The following ST6GALNAC3 variants were observed in gnomAD, a reference collection of about 807,000 sequenced individuals.
ST6GALNAC3 encodes the protein ST6 N-acetylgalactosaminide alpha-2,6-sialyltransferase 3.
In ST6GALNAC3, 25 loss-of-function variants were observed where a neutral mutation model predicts 32.7. The observed-to-expected ratio is 0.76, with a 90% CI of 0.56 to 1.07. The LOEUF (loss-of-function observed/expected upper bound fraction) is 1.07. ST6GALNAC3 is among the 50% of genes least tolerant of loss of function. The pLI is 0.00. For missense variants in ST6GALNAC3, 355 were observed against 382.4 expected, an observed-to-expected ratio of 0.93 and a Z score of 0.60; for synonymous variants, 129 against 133.1, an observed-to-expected ratio of 0.97 and a Z score of 0.21.
chr1:76,314,746 G>T (rs904628481), intron 2 of ST6GALNAC3, among the ~76,000 whole-genome samples: 2 of 152,184 alleles, frequency 1.3e-5, no homozygotes, highest in Non-Finnish European at 2.9e-5. Context: ...GGAGTTGGAT[G>T]AATGTGAGTT....
chr1:76,370,011 A>G (rs1014680181), intron 2 of ST6GALNAC3, among the ~76,000 whole-genome samples: 1 of 152,188 alleles, frequency 6.6e-6, no homozygotes, highest in East Asian at 1.9e-4. Context: ...AGCCACAAAT[A>G]AATGTTTTTC....
intron 2 of ST6GALNAC3, among the ~76,000 whole-genome samples, chr1:76,398,486 C>T (rs1257059475): frequency 6.6e-6 from 1 of 152,116 alleles, no homozygotes; most frequent in African/African-American, 2.4e-5. Context: ...CTACTTTTAG[C>T]TTACTTAGAG....
Position 76,167,078 on chromosome 1 carries a change from G to A in ST6GALNAC3, c.18+92194G>A, listed in dbSNP as rs1036221498. Reference sequence around the variant, plus strand: ...GAGAGGGCATCCTTGTCTTGTGCTGGTTTTCAAGGGAAATGCTTCCAGCTT... The same window carrying A: ...GAGAGGGCATCCTTGTCTTGTGCTGATTTTCAAGGGAAATGCTTCCAGCTT... On this transcript the variant is annotated intron_variant, in intron 1 of 4. Transcript: ENST00000328299. Among the ~76,000 whole-genome samples, 5 of 152,270 alleles carry A rather than the reference G, an allele frequency of 3.3e-5. No homozygotes were observed. In the South Asian group the frequency reaches 1.0e-3, roughly 32 times the overall value.
intron 3 of ST6GALNAC3, among the ~76,000 whole-genome samples, chr1:76,527,069 T>C (rs1429418395): frequency 2.0e-5 from 3 of 151,986 alleles, no homozygotes; most frequent in African/African-American, 7.2e-5. Flanking sequence ...TAGACTTGAA[T>C]TGAATTGAAC....
At chr1:76,198,017 T>C (rs1335616979) in intron 1 of ST6GALNAC3, among the ~76,000 whole-genome samples, 1 of 143,536 alleles carries the variant, frequency 7.0e-6, no homozygotes, top group Non-Finnish European at 1.5e-5. Context: ...TTGCCTTTAT[T>C]TATGTTTTTG....
intron 1 of ST6GALNAC3, among the ~76,000 whole-genome samples, chr1:76,278,333 T>G (rs1170029659): frequency 1.3e-5 from 2 of 151,402 alleles, no homozygotes; most frequent in African/African-American, 4.9e-5. Context: ...GCCATTCTCC[T>G]GCCTCAGCCT....
intron 3 of ST6GALNAC3, among the ~76,000 whole-genome samples, chr1:76,431,314 C>A (rs1159509142): frequency 6.6e-6 from 1 of 152,138 alleles, no homozygotes; most frequent in South Asian, 2.1e-4. Context: ...AATGCTTTAT[C>A]TCCTCTGCCC....
chr1:76,292,423 A>G (rs533083352), intron 1 of ST6GALNAC3, among the ~76,000 whole-genome samples: 1 of 152,200 alleles, frequency 6.6e-6, no homozygotes, highest in Non-Finnish European at 1.5e-5. Context: ...GGATGTCCCT[A>G]TGAAATGTTT....
intron 3 of ST6GALNAC3, among the ~76,000 whole-genome samples, chr1:76,419,234 A>G (rs1654861008): frequency 6.6e-6 from 1 of 152,154 alleles, no homozygotes; most frequent in Non-Finnish European, 1.5e-5. Flanking sequence ...TGAGTGAAAT[A>G]AAGTTCTCTG....
intron 3 of ST6GALNAC3, among the ~76,000 whole-genome samples, chr1:76,444,671 A>AGCCCTTCTC (rs1453988246): frequency 5.9e-5 from 9 of 152,282 alleles, no homozygotes; most frequent in Admixed American, 1.3e-4. Flanking sequence ...CACTGAGGTA[A>AGCCCTTCTC]GCCCTTCTCC....
At chr1:76,197,704 T>A (rs1247585389) in intron 1 of ST6GALNAC3, among the ~76,000 whole-genome samples, 2 of 151,948 alleles carry the variant, frequency 1.3e-5, no homozygotes, top group Non-Finnish European at 2.9e-5. Context: ...GATGGGGATG[T>A]AGAAGGTAGG....
chr1:76,302,585 G>A (rs1660790775), intron 1 of ST6GALNAC3, among the ~76,000 whole-genome samples: 1 of 151,950 alleles, frequency 6.6e-6, no homozygotes, highest in African/African-American at 2.4e-5. Context: ...ATGAACTACT[G>A]TAACAATAAA....
At chr1:76,255,978 C>T (rs1414553387) in intron 1 of ST6GALNAC3, among the ~76,000 whole-genome samples, 1 of 150,988 alleles carries the variant, frequency 6.6e-6, no homozygotes, top group Non-Finnish European at 1.5e-5. Flanking sequence ...AAGGCAACCA[C>T]ATAATTAAAT....
At chr1:76,538,320 G>A (rs777163207) in intron 3 of ST6GALNAC3, among the ~76,000 whole-genome samples, 1 of 151,912 alleles carries the variant, frequency 6.6e-6, no homozygotes, top group Non-Finnish European at 1.5e-5. Context: ...AATTCAACAT[G>A]ACTTCATGTT....
intron 3 of ST6GALNAC3, among the ~76,000 whole-genome samples, chr1:76,481,528 G>A (rs1440664371): frequency 1.3e-5 from 2 of 152,096 alleles, no homozygotes; most frequent in East Asian, 1.9e-4. Flanking sequence ...GACTCTCTTT[G>A]GTTCAGCTCC....
chr1:76,221,981 A>G (rs1004436446), intron 1 of ST6GALNAC3, among the ~76,000 whole-genome samples: 7 of 152,214 alleles, frequency 4.6e-5, no homozygotes, highest in African/African-American at 1.7e-4. Context: ...TGAATGATGG[A>G]CAGGAGAGTG....
At chr1:76,305,790 G>T (rs10782610) in intron 1 of ST6GALNAC3, 346,689 of 441,468 alleles carry the variant, frequency 0.79, 138,365 homozygotes, top group Non-Finnish European at 0.84. Flanking sequence ...ATCAGTTAGA[G>T]AATTATTTAT....
chr1:76,348,720 A>G (rs1318773929), intron 2 of ST6GALNAC3, among the ~76,000 whole-genome samples: 2 of 152,280 alleles, frequency 1.3e-5, no homozygotes, highest in African/African-American at 2.4e-5. Context: ...TTTTCATACA[A>G]CATTTATTCA....
chr1:76,362,809 T>C (rs1650072592), intron 2 of ST6GALNAC3, among the ~76,000 whole-genome samples: 1 of 152,220 alleles, frequency 6.6e-6, no homozygotes, highest in African/African-American at 2.4e-5. Flanking sequence ...TCTGTCCATG[T>C]GGCTTTGCAG....
Sources: gnomAD v4.1 joint callset for allele counts (sites outside exome capture counted in the v4.1 genomes callset) on GRCh38, gnomAD v4.1.1 for gene constraint, MANE v1.5 for transcripts, NCBI Gene and HGNC (gene_info 2026-07-23, HGNC 2026-07-21) for gene names.